The following FNIP2 variants were observed in gnomAD, a reference collection of about 807,000 sequenced individuals.
FNIP2 encodes folliculin-interacting protein 2.
Under a neutral mutation model 108.7 loss-of-function variants are expected in FNIP2, and 32 were observed. The ratio of observed to expected loss-of-function variants is 0.29; its 90% confidence interval spans 0.22 to 0.40. The LOEUF (loss-of-function observed/expected upper bound fraction) is 0.40. Ranked by LOEUF, FNIP2 falls within the 10% of genes least tolerant of loss-of-function variation. The pLI is 1.00. For synonymous variants in FNIP2, 480 were observed against 496.7 expected (o/e 0.97, Z 0.45); for missense variants, 1,202 against 1,381.6 (o/e 0.87, Z 2.06).
At chr4:158,866,218 A>ATTTTTTTTTTT (rs1261545921) in intron 12 of FNIP2, among the ~76,000 whole-genome samples, 5 of 12,362 alleles carry the variant, frequency 4.0e-4, no homozygotes, top group East Asian at 3.2e-3. Context: ...TATTCTGGTT[A>ATTTTTTTTTTT]TTCTTTTTTT....
intron 1 of FNIP2, among the ~76,000 whole-genome samples, chr4:158,793,388 C>T (rs1484907323): frequency 2.6e-5 from 4 of 152,162 alleles, no homozygotes; most frequent in Non-Finnish European, 5.9e-5. Flanking sequence ...TTTTCAGTTA[C>T]AGGACCCACA....
intron 1 of FNIP2, among the ~76,000 whole-genome samples, chr4:158,780,021 A>G (rs972583143): frequency 2.0e-5 from 3 of 151,980 alleles, no homozygotes; most frequent in African/African-American, 4.8e-5. Flanking sequence ...CCAGCCTGTC[A>G]ACAAAAGGAG....
intron 1 of FNIP2, among the ~76,000 whole-genome samples, chr4:158,783,650 C>T (rs1161810671): frequency 2.0e-5 from 3 of 152,074 alleles, no homozygotes; most frequent in African/African-American, 7.2e-5. Flanking sequence ...CGTTCACCAT[C>T]AGATTAGTGA....
intron 1 of FNIP2, among the ~76,000 whole-genome samples, chr4:158,801,037 G>T (rs1482123750): frequency 6.6e-6 from 1 of 152,024 alleles, no homozygotes; most frequent in East Asian, 1.9e-4. Context: ...TTATTTCCCA[G>T]GTAGTTCCAC....
chr4:158,790,844 A>G (rs1243009892), intron 1 of FNIP2, among the ~76,000 whole-genome samples: 1 of 151,886 alleles, frequency 6.6e-6, no homozygotes, highest in East Asian at 1.9e-4. Context: ...TTTAATTTTC[A>G]CTTTTTTTTT....
chr4:158,896,851 TA>T (rs1348816844), intron 16 of FNIP2, among the ~76,000 whole-genome samples: 4 of 139,074 alleles, frequency 2.9e-5, no homozygotes, highest in South Asian at 4.5e-4. Context: ...GTTTTTTTTT[TA>T]TTATTATTAT....
At chr4:158,880,596 T>TA (rs1159834869) in intron 14 of FNIP2, among the ~76,000 whole-genome samples, 2 of 152,204 alleles carry the variant, frequency 1.3e-5, no homozygotes, top group South Asian at 2.1e-4. Context: ...ATAATAATAA[T>TA]AAAAAAAATT....
chr4:158,899,208 G>A (rs1291187614), intron 16 of FNIP2, among the ~76,000 whole-genome samples: 6 of 152,254 alleles, frequency 3.9e-5, no homozygotes, highest in Middle Eastern at 3.4e-3. Flanking sequence ...CAGCTGGATC[G>A]TGGTGGATAA....
chr4:158,854,017 A>G (rs576425657), intron 8 of FNIP2, among the ~76,000 whole-genome samples: 1 of 152,342 alleles, frequency 6.6e-6, no homozygotes, highest in Non-Finnish European at 1.5e-5. Flanking sequence ...CTTCATATGA[A>G]AACAGTGTAT....
chr4:158,817,642 G>C (rs1158730253), intron 1 of FNIP2, among the ~76,000 whole-genome samples: 1 of 152,140 alleles, frequency 6.6e-6, no homozygotes, highest in Non-Finnish European at 1.5e-5. Flanking sequence ...CGCCTCCCGG[G>C]TTTAAGCAAT....
chr4:158,884,147 A>G (rs1781886493), intron 14 of FNIP2, among the ~76,000 whole-genome samples: 1 of 152,196 alleles, frequency 6.6e-6, no homozygotes, highest in South Asian at 2.1e-4. Flanking sequence ...AATGTGGTAC[A>G]TAGAAAAGAA....
chr4:158,832,031 A>G (rs746052437), intron 4 of FNIP2, 36 bp from the exon 5 acceptor site: 11 of 1,607,510 alleles, frequency 6.8e-6, no homozygotes, highest in Non-Finnish European at 9.4e-6. Context: ...TAACTCATAA[A>G]TTTATTTTTC....
At chr4:158,784,096 T>C (rs776683479) in intron 1 of FNIP2, among the ~76,000 whole-genome samples, 7 of 152,176 alleles carry the variant, frequency 4.6e-5, no homozygotes, top group Non-Finnish European at 8.8e-5. Context: ...GAGAAGTTGG[T>C]TTTGTACATG....
chr4:158,868,409 C>G lies in FNIP2; in HGVS notation c.1773C>G (p.His591Gln). 6.2e-7 allele frequency: 1 copy of G among 1,614,034 alleles called. No homozygotes were observed. The highest frequency in any genetic ancestry group is 2.2e-5 in the East Asian group (1 of 44,884). Reference sequence around the variant, plus strand: ...TACCACCAACAGCAGCAGAGAGACACAACCCCTGGCCGACAGGGTTTCCTG... The same window carrying G: ...TACCACCAACAGCAGCAGAGAGACAGAACCCCTGGCCGACAGGGTTTCCTG... The part of the protein sequence containing the change: ...PILPPTAAER[H>Q]NPWPTGFPEC... Residue 591 changes from histidine (H) to glutamine (Q), a missense_variant, in exon 13 of 17, where the codon CAC (histidine) becomes CAG (glutamine). Around this residue, in one of 5 missense-constraint regions of FNIP2, gnomAD observed 878 missense variants for 990.3 expected, o/e 0.89. Coordinates refer to ENST00000264433, the MANE Select transcript of FNIP2 (RefSeq NM_020840.3). This position sits in a 1 kb window ranked among gnomAD's most constrained non-coding sequence, Gnocchi z 4.6.
intron 16 of FNIP2, among the ~76,000 whole-genome samples, chr4:158,896,572 G>C (rs970545030): frequency 2.0e-5 from 3 of 152,142 alleles, no homozygotes; most frequent in Non-Finnish European, 4.4e-5. Context: ...TAATGTCGAC[G>C]TTTAAATTAT....
chr4:158,858,911 A>C, intron 8 of FNIP2, 146 bp from the exon 9 acceptor site: 1 of 660,558 alleles, frequency 1.5e-6, no homozygotes, highest in South Asian at 2.0e-5. Context: ...TCTTCATGCC[A>C]GGGAATTATA....
At chr4:158,863,810 TC>T (rs36023021) in intron 12 of FNIP2, among the ~76,000 whole-genome samples, 43,949 of 152,064 alleles carry the variant, frequency 0.29, 7,104 homozygotes, top group Non-Finnish European at 0.38. Flanking sequence ...CTGAAGTAGT[TC>T]CATATAGGTC....
At chr4:158,794,708 C>CT (rs1213593747) in intron 1 of FNIP2, 5 of 152,300 alleles carry the variant, frequency 3.3e-5, no homozygotes, top group South Asian at 4.1e-4. Context: ...TCACATGTTT[C>CT]TTATTGCAGT....
intron 3 of FNIP2, 62 bp from the exon 4 acceptor site, chr4:158,831,799 T>C: frequency 9.6e-7 from 1 of 1,042,992 alleles, no homozygotes; most frequent in Non-Finnish European, 1.5e-6. Flanking sequence ...TAAACATTAT[T>C]TTCTGTTGCA....
Sources: gnomAD v4.1 joint callset for allele counts (sites outside exome capture counted in the v4.1 genomes callset) on GRCh38, gnomAD v4.1.1 for gene constraint, gnomAD v4.1.1 regional missense constraint, Gnocchi (gnomAD v3.1) non-coding constraint, MANE v1.5 for transcripts, NCBI Gene and HGNC (gene_info 2026-07-23, HGNC 2026-07-21) for gene names.